The following ITGB3 variants were observed in gnomAD, a reference collection of about 807,000 sequenced individuals.
ITGB3 encodes integrin beta-3.
Under a neutral mutation model 85.8 loss-of-function variants are expected in ITGB3, and 48 were observed. That is an observed-to-expected ratio of 0.56 (90% CI 0.44 to 0.71). ITGB3 has a LOEUF of 0.71. Ranked by LOEUF, ITGB3 falls within the 30% of genes least tolerant of loss-of-function variation. The pLI, the probability that ITGB3 is intolerant of heterozygous loss-of-function variation, is 0.00. For synonymous variants in ITGB3, 363 were observed against 395.6 expected (o/e 0.92, Z 0.98); for missense variants, 861 against 1,019.1 (o/e 0.84, Z 2.11).
intron 1 of ITGB3, among the ~76,000 whole-genome samples, chr17:47,270,444 A>C (rs1040219650): frequency 1.3e-5 from 2 of 152,246 alleles, no homozygotes; most frequent in African/African-American, 4.8e-5. Context: ...CTGCCTGGGA[A>C]GAGAGCAATT....
chr17:47,292,076 C>A, intron 9 of ITGB3, 63 bp from the exon 10 acceptor site: 1 of 1,569,634 alleles, frequency 6.4e-7, no homozygotes, highest in Non-Finnish European at 8.8e-7. Flanking sequence ...TTTTTTTTTC[C>A]TCCAGAGCTG....
intron 2 of ITGB3, among the ~76,000 whole-genome samples, chr17:47,281,415 G>A (rs965651876): frequency 5.3e-5 from 8 of 152,172 alleles, no homozygotes; most frequent in African/African-American, 1.4e-4. Context: ...TGTCAGAGCC[G>A]GAAGGGACTG....
intron 8 of ITGB3, 76 bp downstream of exon 8, chr17:47,290,350 G>A (rs1366208922): frequency 2.4e-6 from 3 of 1,252,690 alleles, no homozygotes; most frequent in Non-Finnish European, 2.3e-6. Context: ...TCAGATTTGT[G>A]AGTCCCAGTT....
intron 1 of ITGB3, among the ~76,000 whole-genome samples, chr17:47,270,605 C>T (rs1273255385): frequency 6.6e-6 from 1 of 152,188 alleles, no homozygotes; most frequent in Non-Finnish European, 1.5e-5. Context: ...TCAGAGGTGA[C>T]CTTGATGCTT....
intron 5 of ITGB3, 81 bp from the exon 6 acceptor site, chr17:47,286,989 C>G (rs1397670387): frequency 4.1e-6 from 6 of 1,472,946 alleles, no homozygotes; most frequent in Non-Finnish European, 5.6e-6. Context: ...CAGGGAGCAC[C>G]TTGGGTCTCT....
intron 1 of ITGB3, among the ~76,000 whole-genome samples, chr17:47,255,664 C>T (rs2064986724): frequency 6.6e-6 from 1 of 152,114 alleles, no homozygotes; most frequent in Non-Finnish European, 1.5e-5. Context: ...CCGTGATCAG[C>T]CTGCCTTGGC....
At chr17:47,253,989 GC>G in intron 1 of ITGB3, 49 bp downstream of exon 1, 1 of 1,239,778 alleles carries the variant, frequency 8.1e-7, no homozygotes, top group South Asian at 1.7e-5. Context: ...CAGGATCTGC[GC>G]CCCGGTCAAG....
chr17:47,255,061 T>C (rs1450673563), intron 1 of ITGB3, among the ~76,000 whole-genome samples: 3 of 151,984 alleles, frequency 2.0e-5, no homozygotes, highest in East Asian at 1.9e-4. Context: ...TCACTGCAAC[T>C]TCTGCCTCCT....
chr17:47,260,738 C>A (rs1367363073), intron 1 of ITGB3, among the ~76,000 whole-genome samples: 1 of 151,950 alleles, frequency 6.6e-6, no homozygotes, highest in Non-Finnish European at 1.5e-5. Context: ...TGAGAACAGA[C>A]CATGCTGCCC....
rs1001154329 is a variant in ITGB3, at chr17:47,264,309, C to A, written c.80-10110C>A. On this transcript the variant is annotated intron_variant, in intron 1 of 14. Transcript: ENST00000559488. ...ATCTATCTTGAAGGACTGGCTCTTT[C>A]AGGTTCACATTTGTTCACACCCTCA... is the stretch of plus-strand genomic sequence containing the variant. 5.3e-5 allele frequency among the ~76,000 whole-genome samples: 8 copies of A among 152,184 alleles called. No individual in the cohort carries two copies. The East Asian group carries it at 1.5e-3, about 29-fold the overall frequency.
At chr17:47,280,031 CTT>C (rs954983055) in intron 2 of ITGB3, 14 of 152,226 alleles carry the variant, frequency 9.2e-5, no homozygotes, top group Admixed American at 7.9e-4. Context: ...GCACGGGAGA[CTT>C]TCATCTTCCT....
chr17:47,309,626 G>C (rs188107082), intron 14 of ITGB3, among the ~76,000 whole-genome samples: 2 of 152,276 alleles, frequency 1.3e-5, no homozygotes, highest in East Asian at 3.9e-4. Context: ...AGGTGTGGTG[G>C]CTCATGCCTG....
intron 4 of ITGB3, among the ~76,000 whole-genome samples, chr17:47,285,900 T>G (rs564828696): frequency 6.6e-6 from 1 of 152,324 alleles, no homozygotes; most frequent in South Asian, 2.1e-4. Context: ...GTGTATGAAC[T>G]TACTTAAGTC....
chr17:47,293,733 G>A lies in ITGB3; in HGVS notation c.1690+1165G>A, dbSNP rs1287871858. Among the ~76,000 whole-genome samples, 5 of 151,934 alleles carry A rather than the reference G, an allele frequency of 3.3e-5. No homozygotes were observed. The East Asian group carries it at 7.7e-4, about 24-fold the overall frequency. ...AGCAATTCTCCTGCCTCAGCCTCCC[G>A]AGTAGTTGGGACTATAGGCATGCGC... On this transcript the variant is annotated intron_variant, in intron 10 of 14. Coordinates refer to ENST00000559488, the MANE Select transcript of ITGB3 (RefSeq NM_000212.3).
chr17:47,275,285 TG>T (rs2065059399), intron 2 of ITGB3, among the ~76,000 whole-genome samples: 2 of 151,930 alleles, frequency 1.3e-5, no homozygotes, highest in Admixed American at 1.3e-4. Flanking sequence ...AAGGGTTAGT[TG>T]TGTCTAGGCA....
intron 8 of ITGB3, 43 bp from the exon 9 acceptor site, chr17:47,290,911 T>C: frequency 6.2e-7 from 1 of 1,612,888 alleles, no homozygotes; most frequent in South Asian, 1.1e-5. Context: ...TCCCGTTTCC[T>C]TTCAGTTCAA....
chr17:47,307,498 TG>T lies in ITGB3; in HGVS notation c.2164del (p.Val722SerfsTer5), dbSNP rs776738865. 1 of 1,614,166 alleles carries T rather than the reference TG, an allele frequency of 6.2e-7. No individual in the cohort carries two copies. The highest frequency in any genetic ancestry group is 1.7e-5 in the Admixed American group (1 of 60,022). ...PECPKGPDIL[V>X]VLLSVMGAIL... is the part of the protein sequence containing the mutation. ...TGTCCCAAGGGCCCTGACATCCTGG[TG>T]GTCCTGCTCTCAGTGATGGGGGCCA... On this transcript the variant is annotated frameshift_variant, in exon 14 of 15. Transcript: ENST00000559488. LOFTEE classifies it high-confidence loss of function.
chr17:47,280,879 C>T (rs1442772761), intron 2 of ITGB3, among the ~76,000 whole-genome samples: 6 of 152,200 alleles, frequency 3.9e-5, no homozygotes, highest in African/African-American at 7.2e-5. Context: ...CGTGCCTTGA[C>T]TCTCACTCTA....
chr17:47,305,004 G>A (rs1355892000), intron 13 of ITGB3, among the ~76,000 whole-genome samples: 1 of 152,052 alleles, frequency 6.6e-6, no homozygotes, highest in African/African-American at 2.4e-5. Flanking sequence ...TGGCTGGAAG[G>A]GCCCTCCAGA....
Sources: allele counts gnomAD v4.1 joint callset (sites outside exome capture counted in the v4.1 genomes callset), GRCh38; gene constraint gnomAD v4.1.1; transcripts MANE v1.5; gene names NCBI Gene and HGNC (gene_info 2026-07-23, HGNC 2026-07-21).